Variants in BABAM2 observed in about 807,000 individuals in gnomAD.
BABAM2 encodes BRISC and BRCA1 A complex member 2.
Under a neutral mutation model 54.7 loss-of-function variants are expected in BABAM2, and 31 were observed. The observed-to-expected ratio is 0.57, with a 90% CI of 0.43 to 0.77. The LOEUF is 0.77. Among genes scored for constraint, BABAM2 ranks in the 30% least tolerant of loss-of-function variants. The pLI, the probability that BABAM2 is intolerant of heterozygous loss-of-function variation, is 0.00. For missense variants in BABAM2, 364 were observed against 455.8 expected, an observed-to-expected ratio of 0.80 and a Z score of 1.83; for synonymous variants, 167 against 162.9, an observed-to-expected ratio of 1.03 and a Z score of -0.19.
chr2:28,147,724 C>T (rs1057127120), intron 7 of BABAM2, among the ~76,000 whole-genome samples: 9 of 152,304 alleles, frequency 5.9e-5, no homozygotes, highest in Middle Eastern at 3.4e-3. Flanking sequence ...CCACCCGTCT[C>T]GGCCTCCCAA....
intron 11 of BABAM2, among the ~76,000 whole-genome samples, chr2:28,306,386 TA>T (rs1688522432): frequency 1.3e-5 from 2 of 152,192 alleles, no homozygotes; most frequent in African/African-American, 4.8e-5. Context: ...TTTTACTTTT[TA>T]TATCTTAAAG....
At chr2:28,193,817 A>G (rs1052058639) in intron 7 of BABAM2, among the ~76,000 whole-genome samples, 1 of 152,084 alleles carries the variant, frequency 6.6e-6, no homozygotes, top group Non-Finnish European at 1.5e-5. Flanking sequence ...CCATTAATTT[A>G]GTCAACAGAT....
intron 7 of BABAM2, among the ~76,000 whole-genome samples, chr2:28,151,734 C>T (rs1672061152): frequency 6.6e-6 from 1 of 152,140 alleles, no homozygotes. Flanking sequence ...GCTTTGATAA[C>T]ATTTGGTCCC....
intron 7 of BABAM2, among the ~76,000 whole-genome samples, chr2:28,130,804 A>G (rs933430408): frequency 1.3e-5 from 2 of 151,560 alleles, no homozygotes; most frequent in Non-Finnish European, 2.9e-5. Context: ...CAGTGGTGCA[A>G]TCTCGGCTCA....
At chr2:28,029,493 G>A (rs890328591) in intron 5 of BABAM2, among the ~76,000 whole-genome samples, 1 of 152,156 alleles carries the variant, frequency 6.6e-6, no homozygotes, top group Non-Finnish European at 1.5e-5. Context: ...TTAGCATAAT[G>A]TCTGAGGTTC....
chr2:28,291,267 G>A (rs55721073), intron 10 of BABAM2, among the ~76,000 whole-genome samples: 11,753 of 152,198 alleles, frequency 0.077, 553 homozygotes, highest in Middle Eastern at 0.14. Flanking sequence ...AAAAATCCAA[G>A]AAACTTCAAG....
chr2:27,938,494 C>T (rs1026194240), intron 3 of BABAM2, among the ~76,000 whole-genome samples: 11 of 151,424 alleles, frequency 7.3e-5, no homozygotes, highest in Non-Finnish European at 1.0e-4. Flanking sequence ...TGGGTTCAAG[C>T]GATTCTCCTG....
intron 3 of BABAM2, among the ~76,000 whole-genome samples, chr2:27,971,530 G>A (rs963720337): frequency 2.0e-5 from 3 of 151,708 alleles, no homozygotes; most frequent in Non-Finnish European, 4.4e-5. Flanking sequence ...TACTTATTCT[G>A]TATGTTTAAA....
rs571541888 is a variant in BABAM2, at chr2:28,274,051, C to G, written c.935-24287C>G. Reference sequence around the variant, plus strand: ...TATAACCTGTCACCTCCAGGACTAGCTCACTGGCCAGCTGGTTTGTCTGTG... The same window carrying G: ...TATAACCTGTCACCTCCAGGACTAGGTCACTGGCCAGCTGGTTTGTCTGTG... On this transcript the variant is annotated intron_variant, in intron 10 of 11. Coordinates refer to ENST00000379624, the MANE Select transcript of BABAM2 (RefSeq NM_199191.3). Among the ~76,000 whole-genome samples the G allele has an allele frequency of 3.3e-5, 5 of 152,364 alleles. No individual in the cohort carries two copies. In the East Asian group the frequency reaches 9.6e-4, roughly 29 times the overall value.
At chr2:28,075,438 A>G (rs1664565412) in intron 6 of BABAM2, among the ~76,000 whole-genome samples, 1 of 152,182 alleles carries the variant, frequency 6.6e-6, no homozygotes, top group African/African-American at 2.4e-5. Flanking sequence ...TTCCCTTCTA[A>G]GCAAAGAATA....
intron 3 of BABAM2, among the ~76,000 whole-genome samples, chr2:27,985,062 T>TGC (rs1198150542): frequency 6.9e-6 from 1 of 144,552 alleles, no homozygotes; most frequent in Non-Finnish European, 1.5e-5. Flanking sequence ...CCATGATGTG[T>TGC]GTGTGTGTGT....
At chr2:27,898,268 A>G (rs1234740800) in intron 2 of BABAM2, among the ~76,000 whole-genome samples, 1 of 152,048 alleles carries the variant, frequency 6.6e-6, no homozygotes, top group Non-Finnish European at 1.5e-5. Flanking sequence ...GCCTAATCCT[A>G]TTTTCTTTTC....
rs909437361 is a variant in BABAM2 at position 28,233,075 on chromosome 2, T to G, written c.681-4127T>G. 4 of 338,242 alleles carry G rather than the reference T, an allele frequency of 1.2e-5. No individual in the cohort carries two copies. In the East Asian group the frequency reaches 3.4e-4, roughly 29 times the overall value. The allele number at this position is 338,242 out of a possible 1,614,324, so 21.0% of individuals were successfully genotyped here. ...ATGATCAACTAATTTCATGTTTTAT[T>G]TTATTCCATGAAGAGAGAGAAGGTA... On this transcript the variant is annotated intron_variant, in intron 7 of 11. Coordinates refer to ENST00000379624, the MANE Select transcript of BABAM2 (RefSeq NM_199191.3).
intron 3 of BABAM2, among the ~76,000 whole-genome samples, chr2:27,944,442 A>C (rs1029034865): frequency 6.6e-6 from 1 of 152,120 alleles, no homozygotes; most frequent in African/African-American, 2.4e-5. Flanking sequence ...AAACTGAAAC[A>C]GTTTTGCCTG....
chr2:28,253,092 A>G (rs1023469230), intron 10 of BABAM2, among the ~76,000 whole-genome samples: 1 of 152,190 alleles, frequency 6.6e-6, no homozygotes, highest in Non-Finnish European at 1.5e-5. Context: ...TGAAAATAAT[A>G]GCAATAACAG....
chr2:27,990,297 A>G (rs180836979), intron 4 of BABAM2, among the ~76,000 whole-genome samples: 1 of 152,336 alleles, frequency 6.6e-6, no homozygotes, highest in East Asian at 1.9e-4. Context: ...AGACAGGTTA[A>G]CTACAAGGCC....
intron 6 of BABAM2, among the ~76,000 whole-genome samples, chr2:28,111,977 C>T (rs990083469): frequency 2.6e-5 from 4 of 152,182 alleles, no homozygotes; most frequent in African/African-American, 9.6e-5. Flanking sequence ...GAAAAACATC[C>T]ATAGCTTACT....
At chr2:28,218,615 T>C (rs1403654373) in intron 7 of BABAM2, among the ~76,000 whole-genome samples, 3 of 152,136 alleles carry the variant, frequency 2.0e-5, no homozygotes, top group African/African-American at 7.2e-5. Context: ...CCGGGATTGG[T>C]GATGTTGACT....
At chr2:27,980,963 G>T (rs1238669370) in intron 3 of BABAM2, among the ~76,000 whole-genome samples, 1 of 151,828 alleles carries the variant, frequency 6.6e-6, no homozygotes, top group Non-Finnish European at 1.5e-5. Flanking sequence ...TCCTTAATTT[G>T]ATTTTTATAC....
Sources: gnomAD v4.1 joint callset for allele counts (sites outside exome capture counted in the v4.1 genomes callset) on GRCh38, gnomAD v4.1.1 for gene constraint, MANE v1.5 for transcripts, NCBI Gene and HGNC (gene_info 2026-07-23, HGNC 2026-07-21) for gene names.